CHM: variants seen among roughly 807,000 people sequenced by gnomAD.
CHM encodes the protein CHM Rab escort protein.
CHM carries 10 observed loss-of-function variants against 49.0 expected under a neutral mutation model. That is an observed-to-expected ratio of 0.20 (90% CI 0.13 to 0.35). The LOEUF (loss-of-function observed/expected upper bound fraction) is 0.35. Ranked by LOEUF, CHM falls within the 10% of genes least tolerant of loss-of-function variation. CHM has a pLI of 1.00. For missense variants in CHM, 455 were observed against 478.4 expected (o/e 0.95, Z 0.46); for synonymous variants, 184 against 167.5 (o/e 1.10, Z -0.76).
chrX:85,960,134 T>C (rs967725827), intron 5 of CHM, among the ~76,000 whole-genome samples: 1 of 111,480 alleles, frequency 9.0e-6, no homozygotes, highest in Non-Finnish European at 1.9e-5. Context: ...CTTAACTCTA[T>C]AATAATGATA....
At chrX:86,026,102 CTTTTTTTTTTTTTTTTTTTTTTTT>C (rs1167691945) in intron 2 of CHM, among the ~76,000 whole-genome samples, 2 of 26,767 alleles carry the variant, frequency 7.5e-5, no homozygotes, top group Non-Finnish European at 1.5e-4. Flanking sequence ...AGCAGATTTT[CTTTTTTTTTTTTTTTTTTTTTTTT>C]TTTTTTTTTT....
chrX:85,987,652 A>G (rs1361654434), intron 2 of CHM, among the ~76,000 whole-genome samples: 10 of 111,967 alleles, frequency 8.9e-5, no homozygotes, highest in Admixed American at 8.5e-4. Context: ...AGACACAAAT[A>G]AACACAATTA....
At chrX:85,920,126 C>T (rs112468566) in intron 8 of CHM, among the ~76,000 whole-genome samples, 9 of 107,195 alleles carry the variant, frequency 8.4e-5, no homozygotes. Context: ...GATGGAGTCT[C>T]GCTCTGTCGC....
intron 3 of CHM, among the ~76,000 whole-genome samples, chrX:85,979,339 G>A (rs1056650164): frequency 3.6e-5 from 4 of 110,910 alleles, no homozygotes; most frequent in African/African-American, 9.8e-5. Flanking sequence ...TCAGATCTTT[G>A]AAGGTTGGTC....
chrX:86,003,833 G>C (rs761567313), intron 2 of CHM, among the ~76,000 whole-genome samples: 5 of 111,964 alleles, frequency 4.5e-5, no homozygotes, highest in Non-Finnish European at 7.5e-5. Context: ...GTTGGAAAAC[G>C]CTCTTGAGGA....
intron 2 of CHM, among the ~76,000 whole-genome samples, chrX:85,992,218 C>T (rs921249384): frequency 9.0e-6 from 1 of 111,202 alleles, no homozygotes; most frequent in Admixed American, 9.6e-5. Flanking sequence ...ATTTTGTTAC[C>T]CCAATTCATC....
chrX:85,949,980 T>TATATATAC (rs1569422870), intron 8 of CHM, among the ~76,000 whole-genome samples: 2 of 22,353 alleles, frequency 8.9e-5, no homozygotes, highest in Admixed American at 3.7e-4. Context: ...TGAAATTAAA[T>TATATATAC]ATATATATAT....
intron 8 of CHM, among the ~76,000 whole-genome samples, chrX:85,927,731 C>G (rs1002367577): frequency 8.9e-6 from 1 of 111,976 alleles, no homozygotes; most frequent in African/African-American, 3.2e-5. Flanking sequence ...CCAACATGTA[C>G]TGAATTTCAA....
chrX:86,036,014 G>A (rs374670287), intron 1 of CHM, among the ~76,000 whole-genome samples: 1 of 109,901 alleles, frequency 9.1e-6, no homozygotes, highest in East Asian at 2.9e-4. Flanking sequence ...AGGATGGCCT[G>A]GATCTCCTAA....
chrX:86,043,115 T>C (rs982794955), intron 1 of CHM, among the ~76,000 whole-genome samples: 1 of 111,982 alleles, frequency 8.9e-6, no homozygotes, highest in Non-Finnish European at 1.9e-5. Flanking sequence ...GTGTCATAAA[T>C]AGATATATAC....
chrX:85,988,337 G>A (rs916443292), intron 2 of CHM, among the ~76,000 whole-genome samples: 2 of 111,778 alleles, frequency 1.8e-5, no homozygotes, highest in Non-Finnish European at 3.8e-5. Flanking sequence ...AGCACACTAA[G>A]TATTAAAGGA....
chrX:85,960,725 C>T (rs747438642), intron 5 of CHM, among the ~76,000 whole-genome samples: 7 of 111,400 alleles, frequency 6.3e-5, no homozygotes, highest in African/African-American at 2.3e-4. Context: ...CACGCTCAGC[C>T]TAAGCCTCTT....
At chrX:85,888,467 C>T (rs1925236742) in intron 12 of CHM, among the ~76,000 whole-genome samples, 1 of 111,337 alleles carries the variant, frequency 9.0e-6, no homozygotes, top group African/African-American at 3.3e-5. Flanking sequence ...ACTTCCACAT[C>T]CAGAAAGAAT....
rs764976809 is a variant in CHM at position 86,002,976 on chromosome X, T to C, written c.117-21167A>G. ...CCGTGTAGCCTAACTGGGAGACATC[T>C]CCCAGTAGGGGCCGACAGACACCTC... On this transcript the variant is annotated intron_variant, in intron 2 of 14. Coordinates refer to ENST00000357749, the MANE Select transcript of CHM (RefSeq NM_000390.4). Among the ~76,000 whole-genome samples, 54 of 112,045 alleles carry C rather than the reference T, an allele frequency of 4.8e-4. No homozygotes were observed. In the Admixed American group the frequency reaches 5.1e-3, roughly 11 times the overall value.
intron 1 of CHM, among the ~76,000 whole-genome samples, chrX:86,041,757 T>TAC (rs1184335239): frequency 1.9e-4 from 18 of 93,937 alleles, no homozygotes; most frequent in Admixed American, 9.7e-4. Context: ...TATATATATA[T>TAC]ACATATATAT....
chrX:86,014,666 T>C (rs1241228294), intron 2 of CHM, among the ~76,000 whole-genome samples: 6 of 112,275 alleles, frequency 5.3e-5, no homozygotes, highest in Non-Finnish European at 1.1e-4. Context: ...CATCACTATA[T>C]AACAAGTATG....
In CHM at chrX:85,894,200, T is replaced by C. The variant is rs1460302207; in HGVS notation, c.1498A>G (p.Met500Val). 2.5e-6 allele frequency: 3 copies of C among 1,206,098 alleles called. No individual in the cohort carries two copies. The highest frequency in any genetic ancestry group is 2.2e-6 in the Non-Finnish European group (2 of 891,760). ...CTACTATGCTTACAGGTGCCTTTCA[T>C]GCATGTCATCGTTGAAGAACATAAC... ...IELCSSTMTC[M>V]KGTYLVHLTC... is the part of the protein sequence containing the mutation. The change falls in exon 12 of 15, where the codon ATG (methionine) becomes GTG (valine). Residue 500 changes from methionine to valine, a missense_variant. Physicochemically the swap from Met to Val is conservative, Grantham distance 21. Transcript: ENST00000357749.
At chrX:85,898,260 TAATTTAAAGAATA>T (rs1926031564) in intron 11 of CHM, among the ~76,000 whole-genome samples, 1 of 111,568 alleles carries the variant, frequency 9.0e-6, no homozygotes, top group East Asian at 2.8e-4. Flanking sequence ...ACCTTGTTTA[TAATTTAAAGAATA>T]AATGTAACCC....
intron 4 of CHM, chrX:85,971,397 C>CGGTGGG (rs1306049463): frequency 1.2e-3 from 192 of 163,654 alleles, no homozygotes; most frequent in Non-Finnish European, 1.8e-3. Flanking sequence ...GAGTTTCTTC[C>CGGTGGG]TTCTGGTGGG....
Sources: allele counts gnomAD v4.1 joint callset (sites outside exome capture counted in the v4.1 genomes callset), GRCh38; gene constraint gnomAD v4.1.1; transcripts MANE v1.5; gene names NCBI Gene and HGNC (gene_info 2026-07-23, HGNC 2026-07-21).